The following SUGCT variants were observed in gnomAD, a reference collection of about 807,000 sequenced individuals.
SUGCT encodes succinyl-CoA:glutarate CoA-transferase.
SUGCT carries 41 observed loss-of-function variants against 55.0 expected under a neutral mutation model. That is an observed-to-expected ratio of 0.74 (90% confidence interval 0.58 to 0.97). SUGCT has a LOEUF of 0.97. SUGCT is among the 50% of genes least tolerant of loss of function. The pLI is 0.00. For synonymous variants in SUGCT, 187 were observed against 200.4 expected (o/e 0.93, Z 0.56); for missense variants, 568 against 547.8 (o/e 1.04, Z -0.37).
rs377215730 is a variant in SUGCT, at chr7:40,324,261, A to ATATATATATTTATTTATTTATT, written c.816+7409_816+7410insATATATTTATTTATTTATTTAT. 7.3e-4 allele frequency among the ~76,000 whole-genome samples: 73 copies of ATATATATATTTATTTATTTATT among 99,968 alleles called. 2 individuals carry two copies. In the South Asian group the frequency reaches 0.011, roughly 15 times the overall value. 65.6% of individuals were successfully genotyped at this position (99,968 alleles called of 152,430 possible). ...AATAAATAAATAAATAAATATATAT[A>ATATATATATTTATTTATTTATT]TATTTATTTTTTGAGACAGAGTCTT... On this transcript the variant is annotated intron_variant, in intron 9 of 13. Coordinates refer to ENST00000335693, the MANE Select transcript of SUGCT (RefSeq NM_001193313.2).
intron 9 of SUGCT, among the ~76,000 whole-genome samples, chr7:40,437,912 A>G (rs890434000): frequency 3.3e-5 from 5 of 152,036 alleles, no homozygotes; most frequent in African/African-American, 1.2e-4. Context: ...ACATACTACA[A>G]ATTTTTTGTA....
At chr7:40,223,429 C>A (rs900834455) in intron 6 of SUGCT, among the ~76,000 whole-genome samples, 1 of 152,136 alleles carries the variant, frequency 6.6e-6, no homozygotes, top group Admixed American at 6.6e-5. Context: ...CATTGAGTGA[C>A]GAAGGGTATT....
chr7:40,828,290 A>C (rs950292874), intron 13 of SUGCT, among the ~76,000 whole-genome samples: 1 of 152,158 alleles, frequency 6.6e-6, no homozygotes, highest in African/African-American at 2.4e-5. Flanking sequence ...CTATCAGGGA[A>C]GGGGAGCAAG....
intron 12 of SUGCT, among the ~76,000 whole-genome samples, chr7:40,663,296 C>CA (rs71000127): frequency 0.036 from 5,322 of 149,006 alleles, 175 homozygotes; most frequent in East Asian, 0.079. Flanking sequence ...ATGTATATTT[C>CA]AAAAAAAAAA....
intron 1 of SUGCT, among the ~76,000 whole-genome samples, chr7:40,156,968 T>C (rs1226611080): frequency 6.9e-6 from 1 of 143,916 alleles, no homozygotes; most frequent in African/African-American, 2.6e-5. Flanking sequence ...TGAGCCGAGA[T>C]GGCACCACTG....
intron 13 of SUGCT, among the ~76,000 whole-genome samples, chr7:40,812,279 T>C (rs1383396309): frequency 6.6e-6 from 1 of 152,146 alleles, no homozygotes; most frequent in Non-Finnish European, 1.5e-5. Flanking sequence ...TTTTTGGGGA[T>C]AGTTTCAGTA....
intron 12 of SUGCT, among the ~76,000 whole-genome samples, chr7:40,639,783 G>T (rs1227395609): frequency 6.6e-6 from 1 of 151,992 alleles, no homozygotes; most frequent in Non-Finnish European, 1.5e-5. Flanking sequence ...AAAGTGCTGG[G>T]ATTACAGGCG....
chr7:40,568,598 G>A (rs1271491647), intron 12 of SUGCT, among the ~76,000 whole-genome samples: 1 of 152,160 alleles, frequency 6.6e-6, no homozygotes, highest in Non-Finnish European at 1.5e-5. Context: ...TGGTGACATG[G>A]CCTGTGGGGA....
At chr7:40,401,734 A>G (rs1355281329) in intron 9 of SUGCT, among the ~76,000 whole-genome samples, 1 of 152,228 alleles carries the variant, frequency 6.6e-6, no homozygotes, top group Admixed American at 6.5e-5. Context: ...ACCTCTTCCT[A>G]GAAGGGAAGT....
At chr7:40,595,441 T>C (rs1257818192) in intron 12 of SUGCT, among the ~76,000 whole-genome samples, 1 of 152,152 alleles carries the variant, frequency 6.6e-6, no homozygotes, top group Non-Finnish European at 1.5e-5. Context: ...AAGCATTGCA[T>C]ACAAAGTTGG....
the SUGCT span, among the ~76,000 whole-genome samples, chr7:40,982,600 G>C: frequency 2.6e-5 from 4 of 152,074 alleles, no homozygotes; most frequent in Admixed American, 2.6e-4. Context: ...TAAAAATATA[G>C]ATTTTTAGGT....
chr7:41,023,703 C>A, the SUGCT span, among the ~76,000 whole-genome samples: 1 of 148,992 alleles, frequency 6.7e-6, no homozygotes, highest in Admixed American at 6.6e-5. Flanking sequence ...CTGGGCAATG[C>A]TGTGTAAGGA....
chr7:40,825,796 A>T (rs1388988071), intron 13 of SUGCT, among the ~76,000 whole-genome samples: 1 of 152,184 alleles, frequency 6.6e-6, no homozygotes, highest in Non-Finnish European at 1.5e-5. Flanking sequence ...ATAGATGCTT[A>T]CATTCCCAGC....
chr7:40,479,046 C>G (rs1395418532), intron 11 of SUGCT, among the ~76,000 whole-genome samples: 1 of 151,822 alleles, frequency 6.6e-6, no homozygotes, highest in Non-Finnish European at 1.5e-5. Flanking sequence ...TGATAGTCCA[C>G]TGTGTGTGTG....
intron 12 of SUGCT, among the ~76,000 whole-genome samples, chr7:40,741,262 ACT>A (rs1452987286): frequency 1.3e-5 from 2 of 150,882 alleles, no homozygotes; most frequent in Admixed American, 6.6e-5. Context: ...ATAAAGTGAG[ACT>A]CTGTCTCAAA....
chr7:41,019,725 G>A, the SUGCT span, among the ~76,000 whole-genome samples: 7 of 152,254 alleles, frequency 4.6e-5, no homozygotes, highest in East Asian at 1.2e-3. Flanking sequence ...GGGTTGACTC[G>A]GCAAATACAG....
intron 12 of SUGCT, among the ~76,000 whole-genome samples, chr7:40,551,779 G>A (rs1795312103): frequency 6.6e-6 from 1 of 152,196 alleles, no homozygotes; most frequent in African/African-American, 2.4e-5. Context: ...TGAAGACACA[G>A]ATAAGAGGGT....
chr7:40,768,875 A>G (rs1345526233), intron 13 of SUGCT, among the ~76,000 whole-genome samples: 1 of 152,214 alleles, frequency 6.6e-6, no homozygotes, highest in Non-Finnish European at 1.5e-5. Flanking sequence ...GGGGAGGCAC[A>G]TGTGAGTGCC....
chr7:40,564,037 A>T lies in SUGCT; in HGVS notation c.1089+67651A>T, dbSNP rs75418671. Among the ~76,000 whole-genome samples, 430 of 152,338 alleles carry T rather than the reference A, an allele frequency of 2.8e-3. 5 individuals are homozygous for T. The highest frequency in any genetic ancestry group is 0.027 in the East Asian group (140 of 5,184). On this transcript the variant is annotated intron_variant, in intron 12 of 13. Transcript: ENST00000335693. The stretch of plus-strand genomic sequence containing the variant: ...AAGTAAACATACCAAAACGTTTCTT[A>T]TCTTTGGGTTGTTGAGTTGTAGGTG...
Sources: allele counts gnomAD v4.1 joint callset (sites outside exome capture counted in the v4.1 genomes callset), GRCh38; gene constraint gnomAD v4.1.1; transcripts MANE v1.5; gene names NCBI Gene and HGNC (gene_info 2026-07-23, HGNC 2026-07-21).